The following TRDN variants were observed in gnomAD, a reference collection of about 807,000 sequenced individuals.
TRDN encodes the protein triadin in skeletal muscle.
In TRDN, 161 loss-of-function variants were observed where a neutral mutation model predicts 149.7. The ratio of observed to expected loss-of-function variants is 1.08; its 90% confidence interval spans 0.95 to 1.23. TRDN has a LOEUF of 1.23. TRDN is among the 50% of genes most tolerant of loss of function. TRDN has a pLI of 0.00. For missense variants in TRDN, 896 were observed against 823.5 expected (o/e 1.09, Z -1.08); for synonymous variants, 294 against 250.5 (o/e 1.17, Z -1.64).
intron 5 of TRDN, among the ~76,000 whole-genome samples, chr6:123,528,103 T>C (rs1780039753): frequency 6.6e-6 from 1 of 151,966 alleles, no homozygotes; most frequent in African/African-American, 2.4e-5. Flanking sequence ...TAGCTTGATA[T>C]GATAAAGTAA....
chr6:123,462,394 T>G (rs1336534956), intron 10 of TRDN: 1 of 152,168 alleles, frequency 6.6e-6, no homozygotes, highest in Non-Finnish European at 1.5e-5. Flanking sequence ...TTAAATGCTA[T>G]GAAAGCACAA....
rs62647883 is a variant in TRDN at position 123,266,447 on chromosome 6, G to C, written c.1784-1109C>G. 4.9e-5 allele frequency among the ~76,000 whole-genome samples: 2 copies of C among 40,776 alleles called. 1 individual carries two copies. Among genetic ancestry groups the C allele is most frequent in the African/African-American group, 4.1e-4 (2 of 4,878 alleles). The allele number at this position is 40,776 out of a possible 152,430, so 26.8% of individuals were successfully genotyped here. A position where few individuals can be genotyped will look rare whatever the true frequency, so the allele number is the denominator to read the frequency against. ...TGATATGTATTATATATAATATATA[G>C]ATTATGATATGTATTATATATAATA... On this transcript the variant is annotated intron_variant, in intron 32 of 40. Transcript: ENST00000334268.
chr6:123,250,850 C>T (rs2114567260), intron 38 of TRDN, among the ~76,000 whole-genome samples: 1 of 152,126 alleles, frequency 6.6e-6, no homozygotes, highest in East Asian at 1.9e-4. Context: ...ATATTTTGGC[C>T]TTGAATATTC....
chr6:123,560,306 C>A (rs1203102325), intron 2 of TRDN, among the ~76,000 whole-genome samples: 1 of 152,118 alleles, frequency 6.6e-6, no homozygotes, highest in Non-Finnish European at 1.5e-5. Flanking sequence ...GGCCCTCACT[C>A]TTACAAAGGG....
Position 123,331,886 on chromosome 6 carries a change from CT to C in TRDN, c.1463del (p.Lys488ArgfsTer58). 1 of 1,542,468 alleles carries C rather than the reference CT, an allele frequency of 6.5e-7. No homozygotes were observed. Among genetic ancestry groups the C allele is most frequent in the Non-Finnish European group, 8.8e-7 (1 of 1,141,888 alleles). On this transcript the variant is annotated frameshift_variant, in exon 23 of 41. Transcript: ENST00000334268. LOFTEE classifies it high-confidence loss of function. Reference sequence around the variant, plus strand: ...TTCATTGTATAATATTACCTTTTTCCTTTAGGGAAGCTGGAACTTTCTCTTC... The same window carrying C: ...TTCATTGTATAATATTACCTTTTTCCTTAGGGAAGCTGGAACTTTCTCTTC... ...GKEEKVPASL[K>X]EKEPETKKDE...
chr6:123,368,835 G>A (rs773487609), intron 19 of TRDN, among the ~76,000 whole-genome samples: 40 of 151,788 alleles, frequency 2.6e-4, no homozygotes, highest in Non-Finnish European at 7.4e-5. Context: ...CCTTGTTCTT[G>A]CCACTTTCTC....
intron 10 of TRDN, among the ~76,000 whole-genome samples, chr6:123,446,357 G>A (rs1488200028): frequency 2.0e-5 from 3 of 151,838 alleles, no homozygotes; most frequent in Admixed American, 6.6e-5. Context: ...TGCACAATGT[G>A]CACGTGTACC....
At chr6:123,342,941 A>G (rs1273482704) in intron 21 of TRDN, among the ~76,000 whole-genome samples, 1 of 152,100 alleles carries the variant, frequency 6.6e-6, no homozygotes, top group Non-Finnish European at 1.5e-5. Flanking sequence ...GAATGAGTTA[A>G]TAAATTTGTC....
intron 38 of TRDN, among the ~76,000 whole-genome samples, 164 bp downstream of exon 38, chr6:123,252,248 G>C (rs1471238778): frequency 6.6e-6 from 1 of 150,710 alleles, no homozygotes; most frequent in African/African-American, 2.4e-5. Flanking sequence ...TTTTTTTTAA[G>C]TTTCAACGTA....
chr6:123,220,216 A>G (rs1775098287), intron 40 of TRDN, among the ~76,000 whole-genome samples: 1 of 151,900 alleles, frequency 6.6e-6, no homozygotes, highest in Non-Finnish European at 1.5e-5. Context: ...TGTAATTGTA[A>G]GAGTTAATAC....
chr6:123,397,156 C>A (rs1354302885), intron 12 of TRDN, among the ~76,000 whole-genome samples: 1 of 152,050 alleles, frequency 6.6e-6, no homozygotes, highest in African/African-American at 2.4e-5. Flanking sequence ...ACCTGAATAA[C>A]ATGTAAGTCT....
At chr6:123,238,900 G>A (rs1049409293) in intron 38 of TRDN, among the ~76,000 whole-genome samples, 2 of 152,104 alleles carry the variant, frequency 1.3e-5, no homozygotes, top group Non-Finnish European at 2.9e-5. Context: ...GAGTGCAGTG[G>A]CACAATCTCT....
chr6:123,562,368 T>C (rs1030168376), intron 2 of TRDN, among the ~76,000 whole-genome samples: 1 of 152,206 alleles, frequency 6.6e-6, no homozygotes, highest in African/African-American at 2.4e-5. Flanking sequence ...AGATAGTATT[T>C]GGAGTTGTGG....
chr6:123,358,376 C>T (rs1780766346), intron 20 of TRDN, among the ~76,000 whole-genome samples: 1 of 152,232 alleles, frequency 6.6e-6, no homozygotes, highest in Non-Finnish European at 1.5e-5. Flanking sequence ...TCCTTCAGCA[C>T]CCAATTCTCC....
chr6:123,391,459 C>T (rs188907773), intron 13 of TRDN, among the ~76,000 whole-genome samples: 47 of 151,976 alleles, frequency 3.1e-4, no homozygotes, highest in African/African-American at 1.0e-3. Flanking sequence ...GTCATTGCCA[C>T]CATCCTAGTT....
At chr6:123,321,517 A>G (rs1167574384) in intron 23 of TRDN, among the ~76,000 whole-genome samples, 1 of 152,040 alleles carries the variant, frequency 6.6e-6, no homozygotes, top group East Asian at 1.9e-4. Context: ...ACTTGCTATT[A>G]CTACTATTAC....
At chr6:123,376,261 T>C (rs1210081079) in intron 18 of TRDN, among the ~76,000 whole-genome samples, 1 of 152,152 alleles carries the variant, frequency 6.6e-6, no homozygotes, top group African/African-American at 2.4e-5. Flanking sequence ...AGTGAGAAGA[T>C]GTGTTATGCT....
chr6:123,288,315 C>T (rs1159341638), intron 24 of TRDN, among the ~76,000 whole-genome samples: 1 of 152,014 alleles, frequency 6.6e-6, no homozygotes, highest in Non-Finnish European at 1.5e-5. Flanking sequence ...AAGAACTCCA[C>T]TGGTCAGAGT....
In TRDN at chr6:123,422,858, C is replaced by A. The variant is rs545840806; in HGVS notation, c.1051+15205G>T. ...ATGACAACTATAACAGGTTTTAAAA[C>A]CTCCTAAATCTGCTGTAGATACAGA... is the stretch of plus-strand genomic sequence containing the variant. On this transcript the variant is annotated intron_variant, in intron 12 of 40. Coordinates refer to ENST00000334268, the MANE Select transcript of TRDN (RefSeq NM_006073.4). 3.9e-5 allele frequency among the ~76,000 whole-genome samples: 6 copies of A among 152,192 alleles called. No homozygotes were observed. The East Asian group carries it at 9.7e-4, about 25-fold the overall frequency.
Sources: allele counts gnomAD v4.1 joint callset (sites outside exome capture counted in the v4.1 genomes callset), GRCh38; gene constraint gnomAD v4.1.1; transcripts MANE v1.5; gene names NCBI Gene and HGNC (gene_info 2026-07-23, HGNC 2026-07-21).